Variants in DEPTOR observed in about 807,000 individuals in gnomAD.
DEPTOR encodes the protein DEP domain-containing mTOR-interacting protein.
DEPTOR carries 41 observed loss-of-function variants against 41.6 expected under a neutral mutation model. The ratio of observed to expected loss-of-function variants is 0.98; its 90% confidence interval spans 0.77 to 1.28. The LOEUF (loss-of-function observed/expected upper bound fraction) is 1.28, where lower values mean the gene tolerates loss of function less well. Among genes scored for constraint, DEPTOR ranks in the 50% most tolerant of loss-of-function variants. The pLI is 0.00. For synonymous variants in DEPTOR, 195 were observed against 192.3 expected (o/e 1.01, Z -0.12); for missense variants, 514 against 527.9 (o/e 0.97, Z 0.26).
At chr8:119,922,543 C>T (rs941120753) in intron 1 of DEPTOR, among the ~76,000 whole-genome samples, 2 of 152,056 alleles carry the variant, frequency 1.3e-5, no homozygotes, top group African/African-American at 2.4e-5. Flanking sequence ...TTTAGCACAC[C>T]GTATGTAAAC....
At chr8:119,907,101 T>G (rs1827673794) in intron 1 of DEPTOR, among the ~76,000 whole-genome samples, 1 of 152,222 alleles carries the variant, frequency 6.6e-6, no homozygotes, top group Non-Finnish European at 1.5e-5. Context: ...GTTTGACTTT[T>G]GAATCCAGGG....
At chr8:120,010,332 G>A (rs758361683) in intron 8 of DEPTOR, among the ~76,000 whole-genome samples, 17 of 151,636 alleles carry the variant, frequency 1.1e-4, no homozygotes, top group Admixed American at 2.0e-4. Flanking sequence ...ATACATATAC[G>A]TGCCAGGTAT....
chr8:119,948,249 C>T (rs1828307696), intron 3 of DEPTOR, among the ~76,000 whole-genome samples: 1 of 152,038 alleles, frequency 6.6e-6, no homozygotes, highest in South Asian at 2.1e-4. Context: ...AGATGATGCT[C>T]AATAGATATT....
intron 8 of DEPTOR, among the ~76,000 whole-genome samples, chr8:120,033,942 C>G (rs1292029118): frequency 6.6e-6 from 1 of 152,064 alleles, no homozygotes; most frequent in African/African-American, 2.4e-5. Flanking sequence ...TGACTCACGC[C>G]TGTAATCCCA....
chr8:119,931,958 GATTATTATTATTATTATTATT>G (rs58758138), intron 3 of DEPTOR, among the ~76,000 whole-genome samples: 2 of 142,688 alleles, frequency 1.4e-5, no homozygotes, highest in South Asian at 4.5e-4. Context: ...AATTAAAAAA[GATTATTATTATTATTATTATT>G]ATTATTATTA....
Position 119,910,218 on chromosome 8 carries a change from A to G in DEPTOR, c.123-18182A>G, listed in dbSNP as rs139166323. 2.0e-5 allele frequency among the ~76,000 whole-genome samples: 3 copies of G among 152,376 alleles called. No individual in the cohort carries two copies. The East Asian group carries it at 5.8e-4, about 29-fold the overall frequency. On this transcript the variant is annotated intron_variant, in intron 1 of 8. Coordinates refer to ENST00000286234, the MANE Select transcript of DEPTOR (RefSeq NM_022783.4). The stretch of plus-strand genomic sequence containing the variant: ...TATATAGAACACCTGCAAAAGTCAG[A>G]GCACCTATGTTAAGAAAGGGAAAAT...
intron 1 of DEPTOR, among the ~76,000 whole-genome samples, chr8:119,898,742 C>G (rs570761550): frequency 3.3e-5 from 5 of 150,512 alleles, no homozygotes; most frequent in East Asian, 3.9e-4. Flanking sequence ...AAAAAAAAAG[C>G]CTTATATTTT....
At chr8:119,944,549 T>C (rs939174353) in intron 3 of DEPTOR, among the ~76,000 whole-genome samples, 2 of 152,088 alleles carry the variant, frequency 1.3e-5, no homozygotes, top group Non-Finnish European at 2.9e-5. Context: ...TCTGAGGTCA[T>C]GTACCTTGAG....
At position 119,876,448 on chromosome 8, in the gene DEPTOR, A is replaced by G. The variant is rs575359872; in HGVS notation, c.122+2480A>G. ...AGGTCTGGAGTTCAAGACCAGCCTG[A>G]CCAACATGGTGAAACCTCATCTCTA... On this transcript the variant is annotated intron_variant, in intron 1 of 8. Transcript: ENST00000286234. 1.2e-4 allele frequency among the ~76,000 whole-genome samples: 18 copies of G among 152,040 alleles called. No homozygotes were observed. The East Asian group carries it at 3.5e-3, about 29-fold the overall frequency.
intron 1 of DEPTOR, among the ~76,000 whole-genome samples, chr8:119,914,195 G>A (rs931273859): frequency 1.3e-5 from 2 of 149,052 alleles, no homozygotes; most frequent in Non-Finnish European, 3.0e-5. Flanking sequence ...ACAGGCGAGT[G>A]CCACCATGCC....
At chr8:120,037,543 C>T (rs559511599) in intron 8 of DEPTOR, among the ~76,000 whole-genome samples, 7 of 152,206 alleles carry the variant, frequency 4.6e-5, no homozygotes, top group African/African-American at 1.2e-4. Context: ...GCATTGTCAC[C>T]GTGGGTAATT....
rs190149455 is a variant in DEPTOR at position 120,002,198 on chromosome 8, G to C, written c.790+488G>C. On this transcript the variant is annotated intron_variant, in intron 5 of 8. Coordinates refer to ENST00000286234, the MANE Select transcript of DEPTOR (RefSeq NM_022783.4). ...TCTGTTGCCCAGGCTAGAGTGCAGT[G>C]GTGCAATCTTGGCTCACCACAACTT... Among the ~76,000 whole-genome samples, 202 of 152,244 alleles carry C rather than the reference G, an allele frequency of 1.3e-3. 2 individuals carry two copies. Among genetic ancestry groups the C allele is most frequent in the African/African-American group, 4.5e-3 (185 of 41,558 alleles).
chr8:120,025,986 A>AT (rs11396127), intron 8 of DEPTOR, among the ~76,000 whole-genome samples: 108,675 of 141,844 alleles, frequency 0.77, 41,576 homozygotes, highest in Non-Finnish European at 0.8. Context: ...AGGACTTTTG[A>AT]TTTTTTTTTT....
At chr8:119,921,432 C>T (rs910058277) in intron 1 of DEPTOR, among the ~76,000 whole-genome samples, 3 of 152,116 alleles carry the variant, frequency 2.0e-5, no homozygotes, top group Admixed American at 6.6e-5. Context: ...TTTCAAAGCT[C>T]ATTTTTAGAA....
chr8:119,983,120 G>C (rs886800562), intron 4 of DEPTOR, among the ~76,000 whole-genome samples: 1 of 152,112 alleles, frequency 6.6e-6, no homozygotes, highest in South Asian at 2.1e-4. Context: ...AAAGCAGATG[G>C]GTATACCGAT....
rs578092854 is a variant in DEPTOR, at chr8:119,930,152, C to A, written c.425+214C>A. On this transcript the variant is annotated intron_variant, in intron 3 of 8. Transcript: ENST00000286234. ...TTCTTAATAAAGAATTTACTTAAATCTTATTTTCTGTATTTAAGTTGATTC... is the reference window on the plus strand; with the variant it reads ...TTCTTAATAAAGAATTTACTTAAATATTATTTTCTGTATTTAAGTTGATTC... 4.6e-5 allele frequency among the ~76,000 whole-genome samples: 7 copies of A among 152,286 alleles called. No individual in the cohort carries two copies. The East Asian group carries it at 9.6e-4, about 21-fold the overall frequency.
intron 1 of DEPTOR, among the ~76,000 whole-genome samples, chr8:119,901,538 T>G (rs1238939081): frequency 6.6e-6 from 1 of 151,946 alleles, no homozygotes; most frequent in Non-Finnish European, 1.5e-5. Flanking sequence ...TAGCTGTGTG[T>G]GGTGGCATGT....
At chr8:119,978,350 C>A (rs555015979) in intron 4 of DEPTOR, among the ~76,000 whole-genome samples, 8 of 152,212 alleles carry the variant, frequency 5.3e-5, no homozygotes, top group Non-Finnish European at 7.4e-5. Flanking sequence ...GTCTCAGGCT[C>A]GCTAGAAGAG....
intron 1 of DEPTOR, among the ~76,000 whole-genome samples, chr8:119,888,594 G>A (rs1460532126): frequency 1.3e-5 from 2 of 151,994 alleles, no homozygotes; most frequent in African/African-American, 2.4e-5. Context: ...GGTGGCTCAC[G>A]CCTGTAATCC....
Sources: gnomAD v4.1 joint callset for allele counts (sites outside exome capture counted in the v4.1 genomes callset) on GRCh38, gnomAD v4.1.1 for gene constraint, MANE v1.5 for transcripts, NCBI Gene and HGNC (gene_info 2026-07-23, HGNC 2026-07-21) for gene names.